TBX1: variants seen among roughly 807,000 people sequenced by gnomAD.
The protein encoded by TBX1 is T-box transcription factor TBX1.
A neutral mutation model predicts 40.8 loss-of-function variants in TBX1; 16 were observed. That is an observed-to-expected ratio of 0.39 (90% confidence interval 0.27 to 0.60). The LOEUF (loss-of-function observed/expected upper bound fraction) is 0.60, where lower values mean the gene tolerates loss of function less well. TBX1 is among the 20% of genes least tolerant of loss of function. The pLI is 0.51. For synonymous variants in TBX1, 403 were observed against 336.8 expected (o/e 1.20, Z -2.15); for missense variants, 755 against 728.5 (o/e 1.04, Z -0.42).
chr22:19,765,874 G>C, intron 5 of TBX1, 28 bp from the exon 6 acceptor site: 1 of 1,559,578 alleles, frequency 6.4e-7, no homozygotes, highest in East Asian at 2.4e-5. Flanking sequence ...TGGCGCAGGC[G>C]CCGCCCTGAT....
In TBX1 at chr22:19,765,064, T is replaced by C. The variant is rs1601290929; in HGVS notation, c.818T>C (p.Val273Ala). 6.2e-7 allele frequency: 1 copy of C among 1,614,228 alleles called. No homozygotes were observed. The highest frequency in any genetic ancestry group is 2.2e-5 in the East Asian group (1 of 44,888). ...KYAEENFKTF[V>A]FEETRFTAVT... ...GCCGAGGAGAACTTCAAAACCTTTG[T>C]GTTCGAGGAGACACGATTCACCGCG... is the stretch of plus-strand genomic sequence containing the variant. The change falls in exon 4 of 7, where the codon GTG (valine) becomes GCG (alanine). Residue 273 changes from valine to alanine, a missense_variant. Val to Ala is a moderately conservative substitution (Grantham distance 64). Transcript: ENST00000649276.
chr22:19,760,254 A>C (rs1370283884), upstream of TBX1, among the ~76,000 whole-genome samples: 1 of 151,332 alleles, frequency 6.6e-6, no homozygotes, highest in Non-Finnish European at 1.5e-5. Flanking sequence ...AACAAAGGAC[A>C]TACAAAAATA....
upstream of TBX1, among the ~76,000 whole-genome samples, chr22:19,757,511 A>G (rs1936514081): frequency 1.3e-5 from 2 of 152,182 alleles, no homozygotes; most frequent in African/African-American, 4.8e-5. Context: ...GTGCAGATGT[A>G]CACAGGACAC....
Position 19,766,971 on chromosome 22 carries a change from C to T in TBX1, c.*104C>T, listed in dbSNP as rs1490851621. The T allele has an allele frequency of 6.8e-7, 1 of 1,476,182 alleles. No individual in the cohort carries two copies. The highest frequency in any genetic ancestry group is 8.9e-7 in the Non-Finnish European group (1 of 1,118,828). The allele number at this position is 1,476,182 out of a possible 1,614,324, so 91.4% of individuals were successfully genotyped here. ...AAGCAAGGAATACGTTCCCCCAGCCCCAGGGGCCACCGCGGCTCTCCCCTT... is the reference window on the plus strand; with the variant it reads ...AAGCAAGGAATACGTTCCCCCAGCCTCAGGGGCCACCGCGGCTCTCCCCTT... On this transcript the variant is annotated 3_prime_UTR_variant, in exon 7 of 7. Transcript: ENST00000649276.
In TBX1 at chr22:19,765,834, C is replaced by T. The variant is rs754623522; in HGVS notation, c.935+9C>T. The T allele has an allele frequency of 1.9e-6, 3 of 1,599,836 alleles. No individual in the cohort carries two copies. The highest frequency in any genetic ancestry group is 2.7e-5 in the African/African-American group (2 of 74,520). On this transcript the variant is annotated intron_variant, in intron 5 of 6. Transcript: ENST00000649276. Reference sequence around the variant, plus strand: ...TGTGACCCTGAGGACTGGTGAGTGTCCTCCCCCGAGAGAGTGAGCGCCGGG... The same window carrying T: ...TGTGACCCTGAGGACTGGTGAGTGTTCTCCCCCGAGAGAGTGAGCGCCGGG...
chr22:19,772,719 ACAT>A lies in TBX1; in HGVS notation c.1010-6495_1010-6493del, dbSNP rs1399614911. On this transcript the variant is annotated intron_variant, in intron 8 of 8. Coordinates refer to the TBX1 transcript ENST00000329705. ...CCCAAGACAAGCTTTTTTTCTTGTG[ACAT>A]CATCACAGAACGAAGATGGTGACAG... is the stretch of plus-strand genomic sequence containing the variant. Among the ~76,000 whole-genome samples, 3 of 151,978 alleles carry A rather than the reference ACAT, an allele frequency of 2.0e-5. No individual in the cohort carries two copies. The East Asian group carries it at 5.8e-4, about 29-fold the overall frequency.
At chr22:19,764,630 CT>C (rs1936774494) in intron 3 of TBX1, among the ~76,000 whole-genome samples, 2 of 152,320 alleles carry the variant, frequency 1.3e-5, no homozygotes, top group South Asian at 4.1e-4. Context: ...ATGCAGGAAG[CT>C]TTTTTAATGG....
chr22:19,761,363 G>T (rs1936656019), intron 1 of TBX1, 83 bp downstream of exon 1: 1 of 1,380,868 alleles, frequency 7.2e-7, no homozygotes, highest in African/African-American at 1.5e-5. Flanking sequence ...CGCGCGAGCG[G>T]GGCCGAAAGC....
rs1347908008 is a variant in TBX1 at position 19,767,295 on chromosome 22, C to T, written c.*428C>T. On this transcript the variant is annotated 3_prime_UTR_variant, in exon 7 of 7. Coordinates refer to ENST00000649276, the MANE Select transcript of TBX1 (RefSeq NM_001379200.1). ...ATACTGTAGATACTGTAGATACCGC[C>T]CCGGCGCCGACTTGATAAACGGTTT... 9 of 993,820 alleles carry T rather than the reference C, an allele frequency of 9.1e-6. 1 individual carries two copies. Among genetic ancestry groups the T allele is most frequent in the Non-Finnish European group, 1.2e-6 (1 of 835,672 alleles). The allele number at this position is 993,820 out of a possible 1,614,324, so 61.6% of individuals were successfully genotyped here.
chr22:19,770,405 C>T (rs886400063), downstream of TBX1, among the ~76,000 whole-genome samples: 2 of 152,158 alleles, frequency 1.3e-5, no homozygotes, highest in East Asian at 1.9e-4. Context: ...TTTCAGAAGA[C>T]CCCCCCACGG....
chr22:19,759,776 T>C, upstream of TBX1: 1 of 1,366,940 alleles, frequency 7.3e-7, no homozygotes, highest in Non-Finnish European at 1.0e-6. Context: ...CAGCTCTTGG[T>C]AGCGTGGGCT....
downstream of TBX1, among the ~76,000 whole-genome samples, chr22:19,780,441 C>T (rs1272589605): frequency 6.6e-6 from 1 of 152,180 alleles, no homozygotes; most frequent in Non-Finnish European, 1.5e-5. Flanking sequence ...TAGCCTGTGT[C>T]GGAACTCCCT....
At chr22:19,782,194 G>A (rs1034370031), downstream of TBX1, among the ~76,000 whole-genome samples, 4 of 152,180 alleles carry the variant, frequency 2.6e-5, no homozygotes, top group African/African-American at 9.7e-5. Context: ...TACAAAAAAT[G>A]TCATTGGGAT....
intron 8 of TBX1, among the ~76,000 whole-genome samples, chr22:19,775,144 A>G (rs905968459): frequency 6.6e-6 from 1 of 152,004 alleles, no homozygotes; most frequent in Non-Finnish European, 1.5e-5. Context: ...CCTAGGCTGG[A>G]GTACAGTGGC....
chr22:19,759,602 G>A (rs1218646474), upstream of TBX1: 9 of 1,608,972 alleles, frequency 5.6e-6, no homozygotes, highest in African/African-American at 1.3e-5. Context: ...AGGGTCCTCC[G>A]ACCGGGTGAA....
At chr22:19,767,890 A>G (rs35072922), downstream of TBX1, among the ~76,000 whole-genome samples, 16,986 of 152,224 alleles carry the variant, frequency 0.11, 1,535 homozygotes, top group African/African-American at 0.25. Flanking sequence ...CCAGGCCCGC[A>G]TGTTCCCTCC....
chr22:19,766,908 C>T lies in TBX1; in HGVS notation c.*41C>T, dbSNP rs762856074. 1 of 1,573,504 alleles carries T rather than the reference C, an allele frequency of 6.4e-7. No homozygotes were observed. Among genetic ancestry groups the T allele is most frequent in the South Asian group, 1.1e-5 (1 of 87,910 alleles). ...GCTCCCGCCCCGGTCCTGCACAGCC[C>T]CGAAGTTCGCCGGGCCCGGCCACCC... On this transcript the variant is annotated 3_prime_UTR_variant, in exon 7 of 7. Coordinates refer to ENST00000649276, the MANE Select transcript of TBX1 (RefSeq NM_001379200.1).
chr22:19,767,843 A>G (rs1489205368), downstream of TBX1, among the ~76,000 whole-genome samples: 1 of 152,242 alleles, frequency 6.6e-6, no homozygotes, highest in East Asian at 1.9e-4. Context: ...AAAAACAGGC[A>G]GCACTGTTCT....
chr22:19,757,175 G>A (rs1936506010), upstream of TBX1, among the ~76,000 whole-genome samples: 1 of 152,188 alleles, frequency 6.6e-6, no homozygotes, highest in African/African-American at 2.4e-5. Context: ...CAACAGAGCC[G>A]GCTGGGTGGG....
Sources: allele counts gnomAD v4.1 joint callset (sites outside exome capture counted in the v4.1 genomes callset), GRCh38; gene constraint gnomAD v4.1.1; transcripts MANE v1.5; gene names NCBI Gene and HGNC (gene_info 2026-07-23, HGNC 2026-07-21).